Variants in CACNA1E observed in about 807,000 individuals in gnomAD.
CACNA1E encodes calcium voltage-gated channel subunit alpha1 E.
CACNA1E carries 40 observed loss-of-function variants against 259.2 expected under a neutral mutation model. The observed-to-expected ratio is 0.15, with a 90% CI of 0.12 to 0.20. The LOEUF is 0.20. CACNA1E is among the 10% of genes least tolerant of loss of function. The pLI is 1.00. For missense variants in CACNA1E, 1,874 were observed against 3,040.1 expected (o/e 0.62, Z 9.02); for synonymous variants, 1,104 against 1,138.5 (o/e 0.97, Z 0.61).
At chr1:181,410,238 C>A (rs907436844) in intron 1 of CACNA1E, among the ~76,000 whole-genome samples, 1 of 152,160 alleles carries the variant, frequency 6.6e-6, no homozygotes, top group Non-Finnish European at 1.5e-5. Flanking sequence ...ACGTGAGGAA[C>A]GTGAATCACT....
In CACNA1E at chr1:181,796,541, C is replaced by T. The variant is rs910469588; in HGVS notation, c.6209-127C>T. ...CTCAACATTTGAATTTGGGGGGGGA[C>T]ACAAACATGTGGTTCCTCTGAGGGC... On this transcript the variant is annotated intron_variant, in intron 46 of 47. Transcript: ENST00000367573. The T allele has an allele frequency of 1.5e-5, 9 of 601,932 alleles. No individual in the cohort carries two copies. The Admixed American group carries it at 3.0e-4, about 20-fold the overall frequency. The allele number at this position is 601,932 out of a possible 1,614,324, so 37.3% of individuals were successfully genotyped here. A position where few individuals can be genotyped will look rare whatever the true frequency, so the allele number is the denominator to read the frequency against.
intron 1 of CACNA1E, among the ~76,000 whole-genome samples, chr1:181,406,383 G>A (rs1333713214): frequency 6.6e-6 from 1 of 151,982 alleles, no homozygotes; most frequent in Non-Finnish European, 1.5e-5. Flanking sequence ...ACAACTTTAT[G>A]ATGTATCTAC....
At chr1:181,392,360 C>T (rs1656361279) in intron 1 of CACNA1E, among the ~76,000 whole-genome samples, 1 of 152,168 alleles carries the variant, frequency 6.6e-6, no homozygotes. Flanking sequence ...GGAAGCCTTC[C>T]TGGTTTCCTC....
intron 3 of CACNA1E, among the ~76,000 whole-genome samples, chr1:181,565,837 G>A (rs1050482230): frequency 5.9e-5 from 9 of 152,182 alleles, no homozygotes; most frequent in East Asian, 1.9e-4. Context: ...GCTGTGTCCT[G>A]CTCTATCCCT....
intron 1 of CACNA1E, among the ~76,000 whole-genome samples, chr1:181,403,771 G>A (rs993238116): frequency 5.9e-5 from 9 of 152,314 alleles, no homozygotes; most frequent in Admixed American, 2.0e-4. Context: ...TGGCCAGTAG[G>A]AGCTGTATTG....
At chr1:181,568,906 CTCT>C (rs1558136575) in intron 3 of CACNA1E, among the ~76,000 whole-genome samples, 6 of 152,152 alleles carry the variant, frequency 3.9e-5, no homozygotes, top group African/African-American at 1.4e-4. Context: ...GTGCCTGGCC[CTCT>C]TCGGACTCCT....
intron 2 of CACNA1E, among the ~76,000 whole-genome samples, chr1:181,455,466 G>T (rs187474158): frequency 8.3e-4 from 126 of 152,260 alleles, no homozygotes; most frequent in Non-Finnish European, 1.5e-3. Context: ...CAGGGCAATA[G>T]GGAGAAAAGT....
At chr1:181,481,758 C>A (rs568655035), upstream of CACNA1E, among the ~76,000 whole-genome samples, 1 of 152,042 alleles carries the variant, frequency 6.6e-6, no homozygotes, top group East Asian at 1.9e-4. Flanking sequence ...AAGGGCTTGG[C>A]GGCTAAACAG....
At chr1:181,612,820 G>C (rs1011906259) in intron 6 of CACNA1E, among the ~76,000 whole-genome samples, 1 of 152,174 alleles carries the variant, frequency 6.6e-6, no homozygotes, top group Non-Finnish European at 1.5e-5. Context: ...GAATAAGTTT[G>C]CCTATCCTGA....
chr1:181,525,250 G>C (rs1667270811), intron 3 of CACNA1E, among the ~76,000 whole-genome samples: 2 of 152,176 alleles, frequency 1.3e-5, no homozygotes, highest in Non-Finnish European at 2.9e-5. Context: ...GCCTAGCGGT[G>C]AGCAGTAGGA....
intron 1 of CACNA1E, among the ~76,000 whole-genome samples, chr1:181,407,759 G>A (rs1475343575): frequency 6.6e-6 from 1 of 152,168 alleles, no homozygotes; most frequent in Non-Finnish European, 1.5e-5. Context: ...AGGCGGGTGA[G>A]TATGCTGAGT....
intron 7 of CACNA1E, among the ~76,000 whole-genome samples, chr1:181,708,635 T>C (rs1212181197): frequency 6.6e-6 from 1 of 152,240 alleles, no homozygotes; most frequent in African/African-American, 2.4e-5. Context: ...AAATGCCATT[T>C]GGCTAGGCAA....
intron 1 of CACNA1E, among the ~76,000 whole-genome samples, chr1:181,343,322 T>G (rs1652319882): frequency 1.3e-5 from 2 of 151,914 alleles, no homozygotes; most frequent in Non-Finnish European, 2.9e-5. Flanking sequence ...TAGGGGGAGA[T>G]GTTTGGGTCA....
chr1:181,482,882 C>T (rs1362474846), upstream of CACNA1E, among the ~76,000 whole-genome samples: 1 of 152,272 alleles, frequency 6.6e-6, no homozygotes, highest in African/African-American at 2.4e-5. Flanking sequence ...CATGCTGATC[C>T]GGGGAGGCGG....
intron 1 of CACNA1E, among the ~76,000 whole-genome samples, chr1:181,490,352 G>A (rs1664202155): frequency 6.6e-6 from 1 of 151,552 alleles, no homozygotes; most frequent in South Asian, 2.1e-4. Context: ...GGACTAGATA[G>A]TTCCACCCTT....
At chr1:181,443,842 C>G (rs1350605945) in intron 2 of CACNA1E, among the ~76,000 whole-genome samples, 2 of 152,226 alleles carry the variant, frequency 1.3e-5, no homozygotes, top group Non-Finnish European at 2.9e-5. Flanking sequence ...TATGTGACAG[C>G]TCTCATCCTG....
intron 29 of CACNA1E, 142 bp downstream of exon 29, chr1:181,756,235 GAA>G: frequency 1.3e-6 from 1 of 754,502 alleles, no homozygotes; most frequent in Non-Finnish European, 2.0e-6. Context: ...GACACAGGCA[GAA>G]AAGAGGAAGA....
chr1:181,433,128 C>G (rs570305644), intron 2 of CACNA1E, among the ~76,000 whole-genome samples: 1 of 152,308 alleles, frequency 6.6e-6, no homozygotes, highest in African/African-American at 2.4e-5. Flanking sequence ...AGGTTTCTTT[C>G]AGTCCTGACC....
intron 12 of CACNA1E, among the ~76,000 whole-genome samples, chr1:181,719,180 C>T (rs1654204933): frequency 6.6e-6 from 1 of 152,144 alleles, no homozygotes; most frequent in South Asian, 2.1e-4. Context: ...ATATCTAGAA[C>T]ATAGTGGACA....
Sources: gnomAD v4.1 joint callset for allele counts (sites outside exome capture counted in the v4.1 genomes callset) on GRCh38, gnomAD v4.1.1 for gene constraint, MANE v1.5 for transcripts, NCBI Gene and HGNC (gene_info 2026-07-23, HGNC 2026-07-21) for gene names.